The following RASSF2 variants were observed in gnomAD, a reference collection of about 807,000 sequenced individuals.
The protein encoded by RASSF2 is Ras association domain family member 2, also known as ras association domain-containing protein 2.
A neutral mutation model predicts 46.3 loss-of-function variants in RASSF2; 34 were observed. The ratio of observed to expected loss-of-function variants is 0.73; its 90% CI spans 0.56 to 0.98. RASSF2 has a LOEUF of 0.98. Among genes scored for constraint, RASSF2 ranks in the 50% least tolerant of loss-of-function variants. RASSF2 has a pLI of 0.00. For missense variants in RASSF2, 364 were observed against 431.2 expected, an observed-to-expected ratio of 0.84 and a Z score of 1.38; for synonymous variants, 158 against 162.5, an observed-to-expected ratio of 0.97 and a Z score of 0.21.
chr20:4,816,030 C>T (rs1031155625), intron 2 of RASSF2, among the ~76,000 whole-genome samples: 3 of 152,186 alleles, frequency 2.0e-5, no homozygotes, highest in South Asian at 2.1e-4. Flanking sequence ...GGTCAGGTTC[C>T]ATGGTTCACA....
Position 4,780,523 on chromosome 20 carries a change from G to A in RASSF2, c.*3750C>T, listed in dbSNP as rs1005375878. 2 of 152,212 alleles carry A rather than the reference G, an allele frequency of 1.3e-5. No homozygotes were observed. The highest frequency in any genetic ancestry group is 2.4e-5 in the African/African-American group (1 of 41,456). The allele number at this position is 152,212 out of a possible 1,614,324, so 9.4% of individuals were successfully genotyped here. Reference sequence around the variant, plus strand: ...TCATATCTCATCTCATCTGAGCGAAGCAAGACTTTGTGCAAAACGATTTAA... The same window carrying A: ...TCATATCTCATCTCATCTGAGCGAAACAAGACTTTGTGCAAAACGATTTAA... On this transcript the variant is annotated 3_prime_UTR_variant, in exon 12 of 12. Transcript: ENST00000379400.
At chr20:4,814,915 C>G (rs1253451016) in intron 2 of RASSF2, among the ~76,000 whole-genome samples, 3 of 152,218 alleles carry the variant, frequency 2.0e-5, no homozygotes, top group Non-Finnish European at 4.4e-5. Flanking sequence ...CCATGAAAAG[C>G]AGAACTGCTC....
rs150630672 is a variant in RASSF2 at position 4,812,551 on chromosome 20, T to C, written c.-33+9778A>G. On this transcript the variant is annotated intron_variant, in intron 2 of 11. Transcript: ENST00000379400. The surrounding 1 kb of genome is among the most constrained non-coding windows in gnomAD (Gnocchi z 4.0). ...AGAGGTTCTCCCACTTGAGTGTGTA[T>C]TGGAATCTCTCCGAGGGCTCGTTAA... Among the ~76,000 whole-genome samples, 48 of 152,278 alleles carry C rather than the reference T, an allele frequency of 3.2e-4. No homozygotes were observed. Among genetic ancestry groups the C allele is most frequent in the African/African-American group, 1.0e-3 (42 of 41,546 alleles).
rs558948816 is a variant in RASSF2 at position 4,812,081 on chromosome 20, C to T, written c.-33+10248G>A. ...AGGAAACCCCAGCCCCATTGCACCA[C>T]ACGAGGAAGGAGACTTGAGCTGCGG... On this transcript the variant is annotated intron_variant, in intron 2 of 11. Coordinates refer to ENST00000379400, the MANE Select transcript of RASSF2 (RefSeq NM_014737.3). This position sits in a 1 kb window ranked among gnomAD's most constrained non-coding sequence, Gnocchi z 4.0. Among the ~76,000 whole-genome samples, 2 of 152,304 alleles carry T rather than the reference C, an allele frequency of 1.3e-5. No homozygotes were observed. Among genetic ancestry groups the T allele is most frequent in the South Asian group, 4.1e-4 (2 of 4,824 alleles).
Position 4,788,227 on chromosome 20 carries a change from A to G in RASSF2, c.681T>C (p.His227=), listed in dbSNP as rs374986639. 23 of 1,601,576 alleles carry G rather than the reference A, an allele frequency of 1.4e-5. No individual in the cohort carries two copies. In the African/African-American group the frequency reaches 2.9e-4, roughly 21 times the overall value. The change falls in exon 9 of 12, where the codon CAT becomes CAC. Residue 227 remains histidine, a synonymous_variant. Transcript: ENST00000379400. ...SAEEFALYVV[H]TSGEKQKLKA... ...GGTCTTCAGACTTACCACCACTCGT[A>G]TGGACCACGTACAAGGCAAACTCCT...
chr20:4,788,882 C>T (rs1020981323), intron 8 of RASSF2, among the ~76,000 whole-genome samples: 6 of 152,210 alleles, frequency 3.9e-5, no homozygotes, highest in South Asian at 2.1e-4. Context: ...CTAATGCTCA[C>T]GACGATACCA....
chr20:4,809,978 G>T (rs1243584700), intron 2 of RASSF2, among the ~76,000 whole-genome samples: 1 of 152,184 alleles, frequency 6.6e-6, no homozygotes, highest in Non-Finnish European at 1.5e-5. Context: ...AACGTGTGCC[G>T]CTAAGACCCA....
chr20:4,798,110 A>G, intron 3 of RASSF2, 25 bp from the exon 4 acceptor site: 1 of 1,612,616 alleles, frequency 6.2e-7, no homozygotes, highest in Non-Finnish European at 8.5e-7. Context: ...TAGAAGAGAT[A>G]TAACATTATC....
At chr20:4,798,805 A>C (rs983941461) in intron 3 of RASSF2, among the ~76,000 whole-genome samples, 1 of 109,230 alleles carries the variant, frequency 9.2e-6, no homozygotes, top group African/African-American at 4.0e-5. Flanking sequence ...CAGCCTGGGC[A>C]AAAGACTGAG....
chr20:4,786,428 T>TA, intron 10 of RASSF2, 100 bp from the exon 11 acceptor site: 1 of 1,066,926 alleles, frequency 9.4e-7, no homozygotes, highest in Non-Finnish European at 1.4e-6. Flanking sequence ...TTGGGAAGTC[T>TA]ATTTTTTTCA....
At chr20:4,806,378 T>A (rs2423019) in intron 2 of RASSF2, among the ~76,000 whole-genome samples, 70,734 of 152,016 alleles carry the variant, frequency 0.47, 17,373 homozygotes, top group African/African-American at 0.61. Context: ...TCTCCAACAC[T>A]GGAGTCTTTC....
At chr20:4,822,855 C>G (rs1928803461) in intron 1 of RASSF2, among the ~76,000 whole-genome samples, 1 of 152,082 alleles carries the variant, frequency 6.6e-6, no homozygotes, top group Non-Finnish European at 1.5e-5. Context: ...GGACTGGGGT[C>G]GGGCACTCTC....
Position 4,792,646 on chromosome 20 carries a change from A to C in RASSF2, c.288-19T>G. The C allele has an allele frequency of 6.2e-7, 1 of 1,611,764 alleles. No individual in the cohort carries two copies. Among genetic ancestry groups the C allele is most frequent in the Non-Finnish European group, 8.5e-7 (1 of 1,178,828 alleles). On this transcript the variant is annotated intron_variant, in intron 5 of 11. Transcript: ENST00000379400. ...AGTGGTTCTGGGAGTGGAGAAGACA[A>C]AGGGGAGGGGGGAGACTAGTTTAAG...
chr20:4,817,181 A>G (rs1212614294), intron 2 of RASSF2, among the ~76,000 whole-genome samples: 1 of 152,226 alleles, frequency 6.6e-6, no homozygotes, highest in Non-Finnish European at 1.5e-5. Context: ...GCCACTTGGT[A>G]TTCCAAAGTA....
At chr20:4,818,415 T>C (rs1319280641) in intron 2 of RASSF2, among the ~76,000 whole-genome samples, 1 of 152,154 alleles carries the variant, frequency 6.6e-6, no homozygotes, top group African/African-American at 2.4e-5. Context: ...CCTCCGCATG[T>C]ACAGAATTGG....
intron 5 of RASSF2, among the ~76,000 whole-genome samples, chr20:4,793,649 ATTTTATT>A (rs1926096598): frequency 1.4e-5 from 2 of 147,468 alleles, no homozygotes; most frequent in African/African-American, 5.1e-5. Flanking sequence ...TTTTTTTTTT[ATTTTATT>A]TTTTTGTAGA....
At chr20:4,787,862 G>A (rs1272879343) in intron 9 of RASSF2, 108 bp from the exon 10 acceptor site, 3 of 1,390,560 alleles carry the variant, frequency 2.2e-6, no homozygotes, top group South Asian at 2.5e-5. Context: ...ATATACGTCA[G>A]GAGACTGATT....
At chr20:4,792,728 T>G in intron 5 of RASSF2, 101 bp from the exon 6 acceptor site, 1 of 1,487,574 alleles carries the variant, frequency 6.7e-7, no homozygotes, top group Non-Finnish European at 8.9e-7. Context: ...GGGGAGCACT[T>G]TGCTAGTGCC....
At chr20:4,804,357 T>C (rs1395700526) in intron 2 of RASSF2, among the ~76,000 whole-genome samples, 1 of 146,626 alleles carries the variant, frequency 6.8e-6, no homozygotes. Flanking sequence ...AGCTTTCTTT[T>C]TTTTTTTTTT....
Sources: allele counts gnomAD v4.1 joint callset (sites outside exome capture counted in the v4.1 genomes callset), GRCh38; gene constraint gnomAD v4.1.1; non-coding constraint Gnocchi (gnomAD v3.1); transcripts MANE v1.5; gene names NCBI Gene and HGNC (gene_info 2026-07-23, HGNC 2026-07-21).